The following FNDC3B variants were observed in gnomAD, a reference collection of about 807,000 sequenced individuals.
The protein encoded by FNDC3B is fibronectin type III domain-containing protein 3B.
Under a neutral mutation model 151.5 loss-of-function variants are expected in FNDC3B, and 12 were observed. The observed-to-expected ratio is 0.08, with a 90% CI of 0.05 to 0.13. The LOEUF (loss-of-function observed/expected upper bound fraction) is 0.13, where lower values mean the gene tolerates loss of function less well. Ranked by LOEUF, FNDC3B falls within the 10% of genes least tolerant of loss-of-function variation. The pLI, the probability that FNDC3B is intolerant of heterozygous loss-of-function variation, is 1.00. For synonymous variants in FNDC3B, 528 were observed against 549.0 expected (o/e 0.96, Z 0.54); for missense variants, 1,214 against 1,505.3 (o/e 0.81, Z 3.20).
Position 172,177,626 on chromosome 3 carries a change from C to CTTTTTTTTTTTTTTTTT in FNDC3B, c.187+44085_187+44101dup, listed in dbSNP as rs10684671. On this transcript the variant is annotated intron_variant, in intron 3 of 25. Coordinates refer to ENST00000415807, the MANE Select transcript of FNDC3B (RefSeq NM_022763.4). The stretch of plus-strand genomic sequence containing the variant: ...AGGAAGGAATCATTTTTACCACCAT[C>CTTTTTTTTTTTTTTTTT]TTTTTTTTTTTTTTTTTTTTTGCAC... 8.2e-3 allele frequency among the ~76,000 whole-genome samples: 695 copies of CTTTTTTTTTTTTTTTTT among 84,768 alleles called. 67 individuals are homozygous for CTTTTTTTTTTTTTTTTT. Among genetic ancestry groups the CTTTTTTTTTTTTTTTTT allele is most frequent in the African/African-American group, 0.014 (285 of 20,494 alleles). The allele number at this position is 84,768 out of a possible 152,430, so 55.6% of individuals were successfully genotyped here. A position where few individuals can be genotyped will look rare whatever the true frequency, so the allele number is the denominator to read the frequency against.
intron 1 of FNDC3B, among the ~76,000 whole-genome samples, chr3:172,110,712 A>G (rs1719914944): frequency 6.6e-6 from 1 of 152,084 alleles, no homozygotes; most frequent in African/African-American, 2.4e-5. Context: ...GCAAGTGCCC[A>G]AGGAGGAGGG....
chr3:172,138,339 A>G (rs773195419), intron 3 of FNDC3B, among the ~76,000 whole-genome samples: 5 of 152,176 alleles, frequency 3.3e-5, no homozygotes, highest in Non-Finnish European at 5.9e-5. Flanking sequence ...TACTGACTGG[A>G]TTCCTGAGTG....
intron 9 of FNDC3B, 58 bp downstream of exon 9, chr3:172,298,845 AC>A: frequency 1.6e-6 from 2 of 1,260,350 alleles, no homozygotes; most frequent in Non-Finnish European, 2.3e-6. Flanking sequence ...TAAAGCAAAA[AC>A]ATGTACTCCC....
At chr3:172,115,645 A>G (rs755502158) in intron 2 of FNDC3B, among the ~76,000 whole-genome samples, 4 of 152,182 alleles carry the variant, frequency 2.6e-5, no homozygotes, top group Admixed American at 6.5e-5. Flanking sequence ...TTGCAGGCAC[A>G]GGATTGACTC....
At chr3:172,113,952 AC>A (rs1215109154) in intron 2 of FNDC3B, among the ~76,000 whole-genome samples, 1 of 151,762 alleles carries the variant, frequency 6.6e-6, no homozygotes, top group African/African-American at 2.4e-5. Flanking sequence ...CACTTCCACT[AC>A]CACTGCTGGA....
intron 3 of FNDC3B, among the ~76,000 whole-genome samples, chr3:172,181,403 A>AC (rs1380757798): frequency 8.2e-5 from 12 of 145,608 alleles, no homozygotes; most frequent in Non-Finnish European, 1.5e-4. Context: ...TCCAAAAAAA[A>AC]AAAAAAAAAA....
chr3:172,107,838 T>G (rs927676767), intron 1 of FNDC3B, among the ~76,000 whole-genome samples: 9 of 151,576 alleles, frequency 5.9e-5, no homozygotes, highest in Non-Finnish European at 1.3e-4. Context: ...GACAGCAAAT[T>G]TAGGAAAAGG....
chr3:172,397,569 AT>A lies in FNDC3B; in HGVS notation c.*97del. ...CTTTTTAAAGCCCTTTTGTTTTTTG[AT>A]TTATATACTCTGTTTTACAGATTTA... On this transcript the variant is annotated 3_prime_UTR_variant, in exon 26 of 26. Coordinates refer to ENST00000415807, the MANE Select transcript of FNDC3B (RefSeq NM_022763.4). 1.3e-6 allele frequency: 1 copy of A among 781,946 alleles called. No individual in the cohort carries two copies. Among genetic ancestry groups the A allele is most frequent in the Non-Finnish European group, 1.9e-6 (1 of 512,954 alleles). The allele number at this position is 781,946 out of a possible 1,614,324, so 48.4% of individuals were successfully genotyped here.
chr3:172,273,661 A>G (rs1476359144), intron 6 of FNDC3B, among the ~76,000 whole-genome samples: 4 of 152,360 alleles, frequency 2.6e-5, no homozygotes, highest in East Asian at 1.9e-4. Context: ...ATACAAAGAC[A>G]TTAACTTACA....
intron 6 of FNDC3B, among the ~76,000 whole-genome samples, chr3:172,255,596 G>A (rs1470924419): frequency 4.6e-5 from 7 of 152,178 alleles, no homozygotes; most frequent in South Asian, 2.1e-4. Flanking sequence ...TAGTAAAGGC[G>A]GGGTTTTGCC....
At chr3:172,300,128 A>G (rs1411266948) in intron 9 of FNDC3B, among the ~76,000 whole-genome samples, 1 of 152,234 alleles carries the variant, frequency 6.6e-6, no homozygotes. Flanking sequence ...AAACGTATTG[A>G]GCTTTTCACA....
rs144469474 is a variant in FNDC3B, at chr3:172,056,790, T to G, written c.-29+17019T>G. Among the ~76,000 whole-genome samples, 246 of 152,372 alleles carry G rather than the reference T, an allele frequency of 1.6e-3. 3 individuals carry two copies. The highest frequency in any genetic ancestry group is 5.6e-3 in the African/African-American group (233 of 41,598). On this transcript the variant is annotated intron_variant, in intron 1 of 25. Coordinates refer to ENST00000415807, the MANE Select transcript of FNDC3B (RefSeq NM_022763.4). ...TATTTAAAAACATTCCCAGTTACTT[T>G]AAAAGCGTATGTGAATATTAGCCAT...
intron 4 of FNDC3B, 171 bp downstream of exon 4, chr3:172,227,118 G>C (rs138420733): frequency 5.5e-6 from 3 of 546,950 alleles, no homozygotes; most frequent in Non-Finnish European, 6.7e-6. Flanking sequence ...GCCACTTGAC[G>C]TACCAGAGAA....
At chr3:172,224,140 G>A (rs542549212) in intron 3 of FNDC3B, among the ~76,000 whole-genome samples, 31 of 152,292 alleles carry the variant, frequency 2.0e-4, no homozygotes. Context: ...TCAGGATGGG[G>A]CAGACATCAT....
intron 12 of FNDC3B, chr3:172,330,140 A>T (rs904902515): frequency 6.5e-6 from 1 of 153,712 alleles, no homozygotes; most frequent in Non-Finnish European, 1.4e-5. Flanking sequence ...ACCAAAATCT[A>T]TGGATGCCCC....
chr3:172,061,302 G>A (rs1292981860), intron 1 of FNDC3B, among the ~76,000 whole-genome samples: 3 of 149,840 alleles, frequency 2.0e-5, no homozygotes, highest in Non-Finnish European at 4.4e-5. Flanking sequence ...GCGTGATCTC[G>A]GTTCACTGCA....
chr3:172,149,931 GC>G (rs779154147), intron 3 of FNDC3B, among the ~76,000 whole-genome samples: 20 of 143,204 alleles, frequency 1.4e-4, no homozygotes, highest in East Asian at 1.3e-3. Flanking sequence ...CGATTCTCGA[GC>G]CTCAGCCTCT....
At chr3:172,060,868 C>T (rs1291107086) in intron 1 of FNDC3B, among the ~76,000 whole-genome samples, 2 of 152,144 alleles carry the variant, frequency 1.3e-5, no homozygotes, top group African/African-American at 4.8e-5. Context: ...ATAATTCTTA[C>T]TATTGGAGGC....
At chr3:172,235,195 A>C (rs1727086986) in intron 4 of FNDC3B, among the ~76,000 whole-genome samples, 1 of 152,126 alleles carries the variant, frequency 6.6e-6, no homozygotes, top group Non-Finnish European at 1.5e-5. Context: ...AATAATTTTG[A>C]AGTTGTGATT....
Sources: allele counts gnomAD v4.1 joint callset (sites outside exome capture counted in the v4.1 genomes callset), GRCh38; gene constraint gnomAD v4.1.1; transcripts MANE v1.5; gene names NCBI Gene and HGNC (gene_info 2026-07-23, HGNC 2026-07-21).